Variants in TBC1D15 observed in about 807,000 individuals in gnomAD.
TBC1D15 encodes GAP for RAB7.
Under a neutral mutation model 95.4 loss-of-function variants are expected in TBC1D15, and 39 were observed. That is an observed-to-expected ratio of 0.41 (90% CI 0.32 to 0.53). The LOEUF (loss-of-function observed/expected upper bound fraction) is 0.53. Ranked by LOEUF, TBC1D15 falls within the 20% of genes least tolerant of loss-of-function variation. The pLI, the probability that TBC1D15 is intolerant of heterozygous loss-of-function variation, is 0.29. For missense variants in TBC1D15, 733 were observed against 794.3 expected (o/e 0.92, Z 0.93); for synonymous variants, 258 against 261.3 (o/e 0.99, Z 0.12).
Position 71,896,396 on chromosome 12 carries a change from C to T in TBC1D15, c.985-281C>T, listed in dbSNP as rs1468629623. ...GCATTCCAGTGGCATTTGCCTTATT[C>T]TGTAAGATTGGGCTTAGACTCACCA... On this transcript the variant is annotated intron_variant, in intron 8 of 16. Transcript: ENST00000485960. 6.8e-6 allele frequency: 3 copies of T among 442,376 alleles called. No homozygotes were observed. In the East Asian group the frequency reaches 1.1e-4, roughly 17 times the overall value. The allele number at this position is 442,376 out of a possible 1,614,324, so 27.4% of individuals were successfully genotyped here. A position where few individuals can be genotyped will look rare whatever the true frequency, so the allele number is the denominator to read the frequency against.
At chr12:71,915,614 ACTAC>A (rs1182748504) in intron 12 of TBC1D15, among the ~76,000 whole-genome samples, 1 of 152,122 alleles carries the variant, frequency 6.6e-6, no homozygotes, top group African/African-American at 2.4e-5. Context: ...ATATGTAAAG[ACTAC>A]CTTCTGAACA....
chr12:71,861,285 TG>T (rs1359913924), intron 1 of TBC1D15: 1 of 456,050 alleles, frequency 2.2e-6, no homozygotes, highest in Non-Finnish European at 3.7e-6. Context: ...AATTGACATT[TG>T]TTCTTCTCTA....
At position 71,918,411 on chromosome 12, in the gene TBC1D15, A is replaced by G. The variant is rs766354514; in HGVS notation, c.1502-40A>G. On this transcript the variant is annotated intron_variant, in intron 13 of 16. Coordinates refer to ENST00000485960, the MANE Select transcript of TBC1D15 (RefSeq NM_001146213.3). The stretch of plus-strand genomic sequence containing the variant: ...GTAACTGTATTCTGACATAATTAGC[A>G]TAAGAGTAAGTCATATGTGTGTTTT... The G allele has an allele frequency of 7.0e-6, 9 of 1,286,930 alleles. No homozygotes were observed. In the African/African-American group the frequency reaches 9.3e-5, roughly 13 times the overall value. The allele number at this position is 1,286,930 out of a possible 1,614,324, so 79.7% of individuals were successfully genotyped here.
At chr12:71,892,084 C>G (rs1897281675) in intron 5 of TBC1D15, among the ~76,000 whole-genome samples, 1 of 152,048 alleles carries the variant, frequency 6.6e-6, no homozygotes, top group Non-Finnish European at 1.5e-5. Flanking sequence ...GTGAGAGAAT[C>G]TGTAAGTCTG....
At chr12:71,846,846 C>T (rs1390955679) in intron 1 of TBC1D15, among the ~76,000 whole-genome samples, 9 of 147,430 alleles carry the variant, frequency 6.1e-5, no homozygotes, top group South Asian at 2.2e-4. Context: ...CTGCAGCCTC[C>T]GCCTCCTGGG....
In TBC1D15 at chr12:71,921,336, C is replaced by T. The variant is rs543937466; in HGVS notation, c.1717-32C>T. ...TAGAATATAATAGTGTATTCAGTTT[C>T]GATATCATTTTATTTTGTTGATACT... On this transcript the variant is annotated intron_variant, in intron 15 of 16. Coordinates refer to ENST00000485960, the MANE Select transcript of TBC1D15 (RefSeq NM_001146213.3). 65 of 1,290,792 alleles carry T rather than the reference C, an allele frequency of 5.0e-5. 2 individuals are homozygous for T. In the Middle Eastern group the frequency reaches 4.8e-3, roughly 95 times the overall value. The allele number at this position is 1,290,792 out of a possible 1,614,324, so 80.0% of individuals were successfully genotyped here. A position where few individuals can be genotyped will look rare whatever the true frequency, so the allele number is the denominator to read the frequency against.
At chr12:71,871,504 C>G (rs996357962) in intron 1 of TBC1D15, among the ~76,000 whole-genome samples, 3 of 152,004 alleles carry the variant, frequency 2.0e-5, no homozygotes, top group Admixed American at 1.3e-4. Flanking sequence ...TTCATTTGTT[C>G]TTATTCTTAG....
chr12:71,922,096 T>A (rs1869595694), intron 16 of TBC1D15, among the ~76,000 whole-genome samples: 1 of 152,148 alleles, frequency 6.6e-6, no homozygotes, highest in South Asian at 2.1e-4. Context: ...GACTTTGCTT[T>A]TTTTTTGAGA....
chr12:71,884,991 A>C lies in TBC1D15; in HGVS notation c.524A>C (p.Glu175Ala). ...FHQGDSKLLI[E>A]SLEKYVVLCE... ...CAAGGAGATAGCAAACTACTGATTG[A>C]ATCTCTTGAAAAATATGTGGTATTG... Residue 175 changes from glutamate to alanine, a missense_variant, in exon 5 of 17, where the codon GAA (glutamate) becomes GCA (alanine). Physicochemically the swap from Glu to Ala is moderately radical, Grantham distance 107 (BLOSUM62 -1). Transcript: ENST00000485960. 1 of 1,613,828 alleles carries C rather than the reference A, an allele frequency of 6.2e-7. No homozygotes were observed. The highest frequency in any genetic ancestry group is 1.1e-5 in the South Asian group (1 of 91,074).
chr12:71,897,098 CTTGA>C (rs1005345657), intron 9 of TBC1D15: 35 of 189,514 alleles, frequency 1.8e-4, no homozygotes, highest in African/African-American at 7.7e-4. Flanking sequence ...TCTCATTCAT[CTTGA>C]TTCATTTTTA....
chr12:71,910,637 G>C (rs910855167), intron 11 of TBC1D15, among the ~76,000 whole-genome samples: 5 of 152,208 alleles, frequency 3.3e-5, no homozygotes, highest in African/African-American at 1.2e-4. Flanking sequence ...GTGAATGGGA[G>C]TTCACTCATG....
Position 71,917,879 on chromosome 12 carries a change from C to T in TBC1D15, c.1501+82C>T, listed in dbSNP as rs1904077740. On this transcript the variant is annotated intron_variant, in intron 13 of 16. Transcript: ENST00000485960. ...AAATGTAAAGAACTCTTTAAAGAAG[C>T]CAGGTGCAGTGGCTCATGCCTATAA... is the stretch of plus-strand genomic sequence containing the variant. The T allele has an allele frequency of 5.4e-6, 5 of 922,376 alleles. No individual in the cohort carries two copies. The East Asian group carries it at 1.2e-4, about 23-fold the overall frequency. The allele number at this position is 922,376 out of a possible 1,614,324, so 57.1% of individuals were successfully genotyped here. A position where few individuals can be genotyped will look rare whatever the true frequency, so the allele number is the denominator to read the frequency against.
rs762381622 is a variant in TBC1D15, at chr12:71,893,205, C to A, written c.555-17C>A. 27 of 1,506,202 alleles carry A rather than the reference C, an allele frequency of 1.8e-5. No homozygotes were observed. In the African/African-American group the frequency reaches 3.6e-4, roughly 20 times the overall value. 93.3% of individuals were successfully genotyped at this position (1,506,202 alleles called of 1,614,324 possible). A position where few individuals can be genotyped will look rare whatever the true frequency, so the allele number is the denominator to read the frequency against. On this transcript the variant is annotated splice_polypyrimidine_tract_variant and intron_variant, in intron 5 of 16. Coordinates refer to ENST00000485960, the MANE Select transcript of TBC1D15 (RefSeq NM_001146213.3). ...CAGTGTGTTAGTATTTTCTACAAAT[C>A]CTCTTTTTTATTATAGATCTCCACA...
At chr12:71,858,083 T>C (rs138328850) in intron 1 of TBC1D15, among the ~76,000 whole-genome samples, 1 of 152,188 alleles carries the variant, frequency 6.6e-6, no homozygotes, top group Non-Finnish European at 1.5e-5. Context: ...TTCTTTCTTT[T>C]TTTTTTGAGA....
At chr12:71,861,106 T>C (rs756846614) in intron 1 of TBC1D15, among the ~76,000 whole-genome samples, 1 of 152,076 alleles carries the variant, frequency 6.6e-6, no homozygotes, top group Admixed American at 6.5e-5. Context: ...ATTCCACTTA[T>C]TAGTATTTTG....
chr12:71,878,311 T>C (rs1445421120), intron 3 of TBC1D15, among the ~76,000 whole-genome samples: 1 of 152,180 alleles, frequency 6.6e-6, no homozygotes, highest in Non-Finnish European at 1.5e-5. Flanking sequence ...TTAGTTGTCC[T>C]GTCTTCAGGT....
At chr12:71,875,773 A>C (rs1364744000) in intron 3 of TBC1D15, among the ~76,000 whole-genome samples, 1 of 151,574 alleles carries the variant, frequency 6.6e-6, no homozygotes, top group Non-Finnish European at 1.5e-5. Flanking sequence ...TTTTCTCATA[A>C]TTTTTTATTA....
chr12:71,864,861 A>G (rs1363755689), intron 1 of TBC1D15, among the ~76,000 whole-genome samples: 1 of 152,184 alleles, frequency 6.6e-6, no homozygotes, highest in East Asian at 1.9e-4. Context: ...TTGTTTCCGA[A>G]TAGGTGCAGT....
At chr12:71,918,356 G>A in intron 13 of TBC1D15, 95 bp from the exon 14 acceptor site, 2 of 742,434 alleles carry the variant, frequency 2.7e-6, no homozygotes, top group Non-Finnish European at 4.4e-6. Flanking sequence ...GCCTTGAATT[G>A]CCTAAGATGC....
Sources: allele counts gnomAD v4.1 joint callset (sites outside exome capture counted in the v4.1 genomes callset), GRCh38; gene constraint gnomAD v4.1.1; transcripts MANE v1.5; gene names NCBI Gene and HGNC (gene_info 2026-07-23, HGNC 2026-07-21).